Variants in ASIC2 observed in about 807,000 individuals in gnomAD.
ASIC2 encodes acid sensing ion channel subunit 2.
Under a neutral mutation model 57.3 loss-of-function variants are expected in ASIC2, and 25 were observed. The observed-to-expected ratio is 0.44, with a 90% CI of 0.32 to 0.61. ASIC2 has a LOEUF of 0.61. Among genes scored for constraint, ASIC2 ranks in the 20% least tolerant of loss-of-function variants. The pLI is 0.06. For missense variants in ASIC2, 641 were observed against 738.1 expected (o/e 0.87, Z 1.52); for synonymous variants, 319 against 307.5 (o/e 1.04, Z -0.39).
intron 3 of ASIC2, among the ~76,000 whole-genome samples, chr17:33,060,509 C>T (rs2092016406): frequency 1.3e-5 from 2 of 152,068 alleles, no homozygotes; most frequent in South Asian, 2.1e-4. Context: ...TGTTCTGTTC[C>T]GTTGGTCTAT....
chr17:33,185,324 C>T (rs922532211), intron 1 of ASIC2, among the ~76,000 whole-genome samples: 5 of 152,132 alleles, frequency 3.3e-5, no homozygotes, highest in Admixed American at 2.0e-4. Context: ...ACTCCAGCCT[C>T]TTGGGTGACT....
chr17:33,444,702 C>A (rs1911951614), intron 1 of ASIC2, among the ~76,000 whole-genome samples: 1 of 152,062 alleles, frequency 6.6e-6, no homozygotes, highest in South Asian at 2.1e-4. Flanking sequence ...GTAGGAGCCA[C>A]GTGCACTGGG....
intron 1 of ASIC2, among the ~76,000 whole-genome samples, chr17:33,720,854 G>A (rs1013206257): frequency 1.3e-5 from 2 of 152,156 alleles, no homozygotes; most frequent in Non-Finnish European, 1.5e-5. Context: ...TCATCATACT[G>A]CAGAAAGGGA....
At chr17:33,669,524 C>T (rs1196203336) in intron 1 of ASIC2, among the ~76,000 whole-genome samples, 3 of 152,306 alleles carry the variant, frequency 2.0e-5, no homozygotes, top group Non-Finnish European at 4.4e-5. Flanking sequence ...GCAGCAGAAG[C>T]ATGTTTACTG....
intron 3 of ASIC2, among the ~76,000 whole-genome samples, chr17:33,030,775 T>G (rs903050935): frequency 6.6e-6 from 1 of 152,160 alleles, no homozygotes; most frequent in Non-Finnish European, 1.5e-5. Context: ...GATCACATGA[T>G]TTTTCTCCTT....
At chr17:33,672,778 C>A (rs1203310350) in intron 1 of ASIC2, among the ~76,000 whole-genome samples, 1 of 152,146 alleles carries the variant, frequency 6.6e-6, no homozygotes, top group Admixed American at 6.5e-5. Context: ...GCATTTAGGA[C>A]TACCAGGAAT....
At chr17:33,676,117 C>G (rs1907810246) in intron 1 of ASIC2, among the ~76,000 whole-genome samples, 1 of 152,126 alleles carries the variant, frequency 6.6e-6, no homozygotes, top group Admixed American at 6.5e-5. Flanking sequence ...TTTGGGGCAC[C>G]ATGAGCCACA....
chr17:33,597,251 C>T (rs984641085), intron 1 of ASIC2, among the ~76,000 whole-genome samples: 6 of 152,338 alleles, frequency 3.9e-5, no homozygotes, highest in Admixed American at 3.9e-4. Context: ...TGAGGATGCC[C>T]ACAGGGCCCT....
chr17:33,791,429 C>T (rs545446564), intron 1 of ASIC2, among the ~76,000 whole-genome samples: 2 of 152,280 alleles, frequency 1.3e-5, no homozygotes, highest in East Asian at 3.9e-4. Context: ...AGAAGTCTCG[C>T]CATGACCCTG....
intron 6 of ASIC2, among the ~76,000 whole-genome samples, chr17:33,022,436 G>A (rs577778151): frequency 1.3e-5 from 2 of 152,254 alleles, no homozygotes; most frequent in East Asian, 3.9e-4. Flanking sequence ...GGAGCAGTGG[G>A]CAAAAATGCA....
rs532096771 is a variant in ASIC2 at position 33,413,935 on chromosome 17, T to G, written c.556-301868A>C. On this transcript the variant is annotated intron_variant, in intron 1 of 9. Transcript: ENST00000359872. The stretch of plus-strand genomic sequence containing the variant: ...TCTGCAGGGGCAAAGAGCACTCTAT[T>G]TTATCTTATCTTGGTTTTAGGGCCA... Among the ~76,000 whole-genome samples the G allele has an allele frequency of 3.9e-5, 6 of 152,250 alleles. No homozygotes were observed. In the South Asian group the frequency reaches 1.2e-3, roughly 32 times the overall value.
At chr17:33,139,586 G>T (rs1457059983) in intron 1 of ASIC2, among the ~76,000 whole-genome samples, 2 of 152,146 alleles carry the variant, frequency 1.3e-5, no homozygotes, top group Non-Finnish European at 2.9e-5. Flanking sequence ...GGGCTACTGG[G>T]GTTCCCCTGG....
intron 1 of ASIC2, among the ~76,000 whole-genome samples, chr17:33,713,416 T>G (rs1214333981): frequency 1.3e-5 from 2 of 152,208 alleles, no homozygotes; most frequent in Non-Finnish European, 1.5e-5. Context: ...TGCAGCAATC[T>G]TTGGTAATCT....
intron 1 of ASIC2, chr17:34,041,269 T>C (rs1908121232): frequency 1.3e-5 from 2 of 152,282 alleles, no homozygotes; most frequent in South Asian, 4.1e-4. Flanking sequence ...CCAACTATCC[T>C]GGGTCGGAGG....
At chr17:33,959,735 C>T (rs1045242830) in intron 1 of ASIC2, among the ~76,000 whole-genome samples, 3 of 152,256 alleles carry the variant, frequency 2.0e-5, no homozygotes, top group African/African-American at 7.2e-5. Flanking sequence ...ATGGCGCCCA[C>T]TCAGATTGAA....
chr17:33,815,164 C>T (rs990607584), intron 1 of ASIC2, among the ~76,000 whole-genome samples: 3 of 152,116 alleles, frequency 2.0e-5, no homozygotes, highest in Non-Finnish European at 4.4e-5. Context: ...CCTCAGTTCC[C>T]ATCTTTAAAT....
intron 1 of ASIC2, among the ~76,000 whole-genome samples, chr17:33,994,843 G>A (rs1341229829): frequency 6.6e-6 from 1 of 152,088 alleles, no homozygotes; most frequent in Non-Finnish European, 1.5e-5. Flanking sequence ...TCCCAGATTG[G>A]CCTATTTGAC....
chr17:33,450,562 A>G (rs1027913015), intron 1 of ASIC2, among the ~76,000 whole-genome samples: 6 of 152,148 alleles, frequency 3.9e-5, no homozygotes, highest in Admixed American at 2.0e-4. Flanking sequence ...AATTCTGGAG[A>G]TGGATGGTGG....
chr17:33,807,148 G>A (rs2142150504), intron 1 of ASIC2, among the ~76,000 whole-genome samples: 1 of 152,278 alleles, frequency 6.6e-6, no homozygotes, highest in Middle Eastern at 3.4e-3. Flanking sequence ...TCCCCTACAG[G>A]ACACCAGGCA....
Sources: gnomAD v4.1 joint callset for allele counts (sites outside exome capture counted in the v4.1 genomes callset) on GRCh38, gnomAD v4.1.1 for gene constraint, MANE v1.5 for transcripts, NCBI Gene and HGNC (gene_info 2026-07-23, HGNC 2026-07-21) for gene names.